TVP23B: variants seen among roughly 807,000 people sequenced by gnomAD.
TVP23B encodes trans-golgi network vesicle protein 23 homolog B, also known as Golgi apparatus membrane protein TVP23 homolog B.
A neutral mutation model predicts 30.6 loss-of-function variants in TVP23B; 10 were observed. The ratio of observed to expected loss-of-function variants is 0.33; its 90% confidence interval spans 0.20 to 0.55. TVP23B has a LOEUF of 0.55. TVP23B is among the 20% of genes least tolerant of loss of function. The probability of loss-of-function intolerance (pLI) is 0.91; values close to 1 mark genes in which losing one functional copy is unlikely to be tolerated. For synonymous variants in TVP23B, 67 were observed against 83.1 expected, an observed-to-expected ratio of 0.81 and a Z score of 1.06; for missense variants, 153 against 243.2, an observed-to-expected ratio of 0.63 and a Z score of 2.47.
At chr17:18,803,298 A>G (rs1199805733) in intron 5 of TVP23B, among the ~76,000 whole-genome samples, 3 of 152,188 alleles carry the variant, frequency 2.0e-5, no homozygotes, top group East Asian at 3.8e-4. Flanking sequence ...TATATTGTCT[A>G]TGGCTGCCTT....
intron 1 of TVP23B, among the ~76,000 whole-genome samples, chr17:18,784,450 T>C (rs2151842438): frequency 6.6e-6 from 1 of 152,074 alleles, no homozygotes; most frequent in African/African-American, 2.4e-5. Context: ...ATGGAGACCA[T>C]CCTGGCCAAC....
At chr17:18,782,546 C>G (rs2035824003) in intron 1 of TVP23B, 2 of 151,872 alleles carry the variant, frequency 1.3e-5, no homozygotes, top group African/African-American at 4.8e-5. Context: ...AGAAGGAATT[C>G]AGGGTGAGTC....
At chr17:18,805,448 T>C (rs1441481411) in intron 6 of TVP23B, 93 bp from the exon 7 acceptor site, 22 of 1,569,958 alleles carry the variant, frequency 1.4e-5, no homozygotes, top group African/African-American at 2.8e-5. Context: ...CTTAGAAATA[T>C]AGAATGTTTT....
intron 1 of TVP23B, among the ~76,000 whole-genome samples, chr17:18,782,796 C>T (rs1041324527): frequency 2.0e-5 from 3 of 151,656 alleles, no homozygotes; most frequent in African/African-American, 4.8e-5. Flanking sequence ...GACCAGTGGT[C>T]ACTCTCGTGG....
Position 18,790,948 on chromosome 17 carries a change from G to A in TVP23B, c.148G>A (p.Val50Ile), listed in dbSNP as rs746526546. 2.1e-5 allele frequency: 34 copies of A among 1,612,868 alleles called. No individual in the cohort carries two copies. Among genetic ancestry groups the A allele is most frequent in the Middle Eastern group, 1.6e-4 (1 of 6,072 alleles). The change falls in exon 3 of 7, where the codon GTC (valine) becomes ATC (isoleucine). Residue 50 changes from valine (V) to isoleucine (I), a missense_variant. Around this residue, in one of 3 missense-constraint regions of TVP23B, gnomAD observed 53 missense variants for 128.0 expected, o/e 0.41. Coordinates refer to ENST00000307767, the MANE Select transcript of TVP23B (RefSeq NM_016078.6). ...HLFFRVSAII[V>I]YLLCGLLSSS... is the part of the protein sequence containing the mutation. ...ATTCTTTCGAGTCAGTGCAATCATC[G>A]TCTATCTTCTCTGTGGGTTGCTCAG...
intron 1 of TVP23B, among the ~76,000 whole-genome samples, chr17:18,783,418 T>C (rs2035842759): frequency 6.6e-6 from 1 of 152,228 alleles, no homozygotes; most frequent in South Asian, 2.1e-4. Context: ...CGGTTCCCAC[T>C]TGATAAATTT....
At chr17:18,787,210 C>T (rs1597614822) in intron 1 of TVP23B, among the ~76,000 whole-genome samples, 2 of 152,108 alleles carry the variant, frequency 1.3e-5, no homozygotes, top group African/African-American at 2.4e-5. Context: ...GCCTGGCCAA[C>T]GTGGTGAGAC....
intron 1 of TVP23B, chr17:18,781,847 CT>C (rs1056443953): frequency 2.6e-5 from 4 of 152,548 alleles, no homozygotes; most frequent in African/African-American, 9.7e-5. Flanking sequence ...CTTAGATTGT[CT>C]TAAGTGTTTT....
chr17:18,796,642 T>C (rs2036081222), intron 3 of TVP23B: 1 of 152,150 alleles, frequency 6.6e-6, no homozygotes, highest in African/African-American at 2.4e-5. Context: ...GTGATTTCTA[T>C]TGTGTCAGGG....
At chr17:18,798,733 A>G (rs762702747) in intron 4 of TVP23B, 79 bp from the exon 5 acceptor site, 102 of 1,545,768 alleles carry the variant, frequency 6.6e-5, no homozygotes, top group Non-Finnish European at 8.4e-5. Flanking sequence ...CTTGTGGGTA[A>G]TATGTTTTTT....
intron 1 of TVP23B, among the ~76,000 whole-genome samples, chr17:18,784,994 C>A (rs28379578): frequency 3.5e-4 from 53 of 151,510 alleles, no homozygotes; most frequent in Non-Finnish European, 4.9e-4. Context: ...TGTCAGCTCT[C>A]CCTTAAAATG....
intron 1 of TVP23B, among the ~76,000 whole-genome samples, chr17:18,783,424 A>G (rs2035842913): frequency 6.6e-6 from 1 of 152,124 alleles, no homozygotes. Flanking sequence ...CCACTTGATA[A>G]ATTTGTGACG....
intron 5 of TVP23B, among the ~76,000 whole-genome samples, chr17:18,799,700 C>T (rs1260981833): frequency 6.6e-6 from 1 of 152,032 alleles, no homozygotes; most frequent in East Asian, 1.9e-4. Flanking sequence ...GTGAGTCTTA[C>T]TCTTTTTTAT....
At position 18,792,927 on chromosome 17, in the gene TVP23B, A is replaced by G. The variant is rs1224896204; in HGVS notation, c.240+1887A>G. On this transcript the variant is annotated intron_variant, in intron 3 of 6. Transcript: ENST00000307767. ...TACTTACTAAAAAAACAAAAAATCA[A>G]TCTTCATCTAAACCCCTAGGTGTCC... Among the ~76,000 whole-genome samples, 4 of 152,210 alleles carry G rather than the reference A, an allele frequency of 2.6e-5. No individual in the cohort carries two copies. The East Asian group carries it at 5.8e-4, about 22-fold the overall frequency.
chr17:18,804,891 A>G (rs892527874), intron 6 of TVP23B, among the ~76,000 whole-genome samples: 4 of 150,936 alleles, frequency 2.7e-5, no homozygotes. Context: ...CCCAGCCTGT[A>G]TGTTGTATGG....
chr17:18,805,267 G>A (rs1283868811), intron 6 of TVP23B, among the ~76,000 whole-genome samples: 18 of 151,524 alleles, frequency 1.2e-4, no homozygotes, highest in Admixed American at 7.2e-4. Flanking sequence ...TGTATTTTTA[G>A]TAGAGACGGG....
intron 3 of TVP23B, among the ~76,000 whole-genome samples, chr17:18,793,318 G>A (rs2036025065): frequency 6.6e-6 from 1 of 151,764 alleles, no homozygotes; most frequent in African/African-American, 2.4e-5. Flanking sequence ...AAATTTAATG[G>A]CAACTATGGC....
chr17:18,788,349 A>AAAAT (rs56329292), intron 1 of TVP23B, among the ~76,000 whole-genome samples: 2 of 149,282 alleles, frequency 1.3e-5, no homozygotes, highest in Non-Finnish European at 3.0e-5. Context: ...AAAAAAAAAA[A>AAAAT]GCCTAAGGTT....
At chr17:18,802,442 T>C (rs1195624533) in intron 5 of TVP23B, among the ~76,000 whole-genome samples, 6 of 151,942 alleles carry the variant, frequency 3.9e-5, no homozygotes, top group Admixed American at 3.3e-4. Flanking sequence ...TTTGGGTCAT[T>C]GTTAGTTGGG....
Sources: gnomAD v4.1 joint callset for allele counts (sites outside exome capture counted in the v4.1 genomes callset) on GRCh38, gnomAD v4.1.1 for gene constraint, gnomAD v4.1.1 regional missense constraint, MANE v1.5 for transcripts, NCBI Gene and HGNC (gene_info 2026-07-23, HGNC 2026-07-21) for gene names.